The following ZNF227 variants were observed in gnomAD, a reference collection of about 807,000 sequenced individuals.
ZNF227 encodes zinc finger protein 227.
A neutral mutation model predicts 13.2 loss-of-function variants in ZNF227; 12 were observed. The observed-to-expected ratio is 0.91, with a 90% CI of 0.58 to 1.47. The LOEUF (loss-of-function observed/expected upper bound fraction) is 1.47, where lower values mean the gene tolerates loss of function less well. Ranked by LOEUF, ZNF227 falls within the 40% of genes most tolerant of loss-of-function variation. The pLI is 0.00. For synonymous variants in ZNF227, 338 were observed against 326.0 expected (o/e 1.04, Z -0.40); for missense variants, 885 against 967.5 (o/e 0.91, Z 1.13).
intron 5 of ZNF227, among the ~76,000 whole-genome samples, chr19:44,230,973 C>T (rs1009666414): frequency 5.1e-5 from 7 of 136,014 alleles, no homozygotes; most frequent in Admixed American, 4.6e-4. Flanking sequence ...GGCATGTTAG[C>T]ATACATCTGT....
upstream of ZNF227, among the ~76,000 whole-genome samples, chr19:44,210,350 C>T (rs1188884007): frequency 4.6e-5 from 7 of 152,232 alleles, no homozygotes; most frequent in Non-Finnish European, 4.4e-5. Context: ...GCAGAATTTC[C>T]AGTGTTTTAC....
intron 2 of ZNF227, among the ~76,000 whole-genome samples, chr19:44,215,614 A>T (rs1314993819): frequency 6.6e-6 from 1 of 152,026 alleles, no homozygotes; most frequent in African/African-American, 2.4e-5. Flanking sequence ...TAACTTTAAA[A>T]ATATTCTCTT....
chr19:44,227,569 T>G (rs991584021), intron 3 of ZNF227, among the ~76,000 whole-genome samples: 6 of 150,974 alleles, frequency 4.0e-5, no homozygotes, highest in Non-Finnish European at 8.8e-5. Context: ...TTTTAAAAAT[T>G]GAGACAGGGT....
chr19:44,235,187 G>C lies in ZNF227; in HGVS notation c.757G>C (p.Gly253Arg), dbSNP rs1974302899. ...LPLGEKPHPC[G>R]ECGRGFSYSP... Reference sequence around the variant, plus strand: ...CTTAGGAGAGAAACCCCATCCATGTGGTGAGTGTGGAAGGGGCTTCAGTTA... The same window carrying C: ...CTTAGGAGAGAAACCCCATCCATGTCGTGAGTGTGGAAGGGGCTTCAGTTA... Residue 253 changes from glycine (G) to arginine (R), a missense_variant, in exon 6 of 6, where the codon GGT (glycine) becomes CGT (arginine). Transcript: ENST00000313040. 1.2e-6 allele frequency: 2 copies of C among 1,614,088 alleles called. No individual in the cohort carries two copies. The highest frequency in any genetic ancestry group is 1.7e-6 in the Non-Finnish European group (2 of 1,180,018).
chr19:44,220,293 C>G (rs1972350203), intron 3 of ZNF227, among the ~76,000 whole-genome samples: 1 of 151,842 alleles, frequency 6.6e-6, no homozygotes, highest in Non-Finnish European at 1.5e-5. Context: ...GGGTATATAC[C>G]CAGTAATGGG....
intron 2 of ZNF227, among the ~76,000 whole-genome samples, chr19:44,214,905 G>A (rs1326252492): frequency 6.6e-6 from 1 of 151,932 alleles, no homozygotes; most frequent in Non-Finnish European, 1.5e-5. Flanking sequence ...GGAGGTGATT[G>A]GAGGGGTACC....
At position 44,234,909 on chromosome 19, in the gene ZNF227, G is replaced by T; in HGVS notation, c.479G>T (p.Ser160Ile). 6.2e-7 allele frequency: 1 copy of T among 1,613,134 alleles called. No homozygotes were observed. Among genetic ancestry groups the T allele is most frequent in the Non-Finnish European group, 8.5e-7 (1 of 1,179,796 alleles). ...AATATAATGAACCCTAAAGGAGATA[G>T]CTCTATTTATATTGAAAATCAAGAG... ...ENNIMNPKGD[S>I]SIYIENQEFP... The change falls in exon 6 of 6, where the codon AGC becomes ATC. Residue 160 changes from serine to isoleucine, a missense_variant. Physicochemically the swap from Ser to Ile is moderately radical, Grantham distance 142. Coordinates refer to ENST00000313040, the MANE Select transcript of ZNF227 (RefSeq NM_182490.3).
intron 5 of ZNF227, among the ~76,000 whole-genome samples, chr19:44,230,202 A>C (rs1973635871): frequency 3.3e-5 from 5 of 151,960 alleles, no homozygotes; most frequent in African/African-American, 1.2e-4. Flanking sequence ...TTTTGTAGAG[A>C]TGAGGTCTTG....
intron 3 of ZNF227, among the ~76,000 whole-genome samples, chr19:44,222,652 G>A (rs1362901457): frequency 1.1e-4 from 17 of 148,372 alleles, no homozygotes; most frequent in South Asian, 2.1e-4. Flanking sequence ...ATCAGCTTAA[G>A]GAGATTTTGG....
chr19:44,234,551 CA>C, intron 5 of ZNF227, 150 bp from the exon 6 acceptor site: 1 of 706,698 alleles, frequency 1.4e-6, no homozygotes, highest in Non-Finnish European at 2.3e-6. Context: ...AAAAACATGT[CA>C]AAAGAATACA....
intron 3 of ZNF227, among the ~76,000 whole-genome samples, chr19:44,224,852 C>A (rs539091301): frequency 6.6e-6 from 1 of 152,304 alleles, no homozygotes; most frequent in African/African-American, 2.4e-5. Flanking sequence ...GATGCAGTTT[C>A]TTCCTAGCCT....
Position 44,229,726 on chromosome 19 carries a change from T to G in ZNF227, c.188-7T>G, listed in dbSNP as rs757541032. On this transcript the variant is annotated splice_region_variant and splice_polypyrimidine_tract_variant and intron_variant, in intron 4 of 5. Transcript: ENST00000313040. ...TCTTAAATACATAAAAATCTACATTTTCATAGGGCATCTTCCCTTCCAACC... is the reference window on the plus strand; with the variant it reads ...TCTTAAATACATAAAAATCTACATTGTCATAGGGCATCTTCCCTTCCAACC... 1 of 1,557,958 alleles carries G rather than the reference T, an allele frequency of 6.4e-7. No individual in the cohort carries two copies. The highest frequency in any genetic ancestry group is 8.7e-7 in the Non-Finnish European group (1 of 1,147,044).
intron 2 of ZNF227, among the ~76,000 whole-genome samples, chr19:44,217,147 A>C (rs2122698245): frequency 6.6e-6 from 1 of 151,844 alleles, no homozygotes; most frequent in African/African-American, 2.4e-5. Context: ...TATTTTTGGT[A>C]GAGATGAGGT....
chr19:44,222,084 G>A (rs375448083), intron 3 of ZNF227, among the ~76,000 whole-genome samples: 20,858 of 151,618 alleles, frequency 0.14, 3,595 homozygotes, highest in African/African-American at 0.4. Flanking sequence ...GATCTGTGGC[G>A]TTATTTCTGA....
intron 2 of ZNF227, among the ~76,000 whole-genome samples, chr19:44,216,905 A>G (rs572550527): frequency 1.3e-5 from 2 of 151,832 alleles, no homozygotes; most frequent in Admixed American, 1.3e-4. Context: ...GGTGACTTTC[A>G]TAGGAGAGCA....
intron 2 of ZNF227, among the ~76,000 whole-genome samples, chr19:44,216,825 A>G (rs913032995): frequency 6.6e-6 from 1 of 152,210 alleles, no homozygotes; most frequent in Non-Finnish European, 1.5e-5. Flanking sequence ...TGTCAGTAAA[A>G]TATTACTAGC....
chr19:44,217,988 T>G, intron 3 of ZNF227, 136 bp downstream of exon 3: 1 of 968,894 alleles, frequency 1.0e-6, no homozygotes, highest in Non-Finnish European at 1.5e-6. Flanking sequence ...ATGTATGTGT[T>G]TTTTTGTTTT....
Position 44,236,662 on chromosome 19 carries a change from T to TAATA in ZNF227, c.2234_2235insTAAA (p.Lys745AsnfsTer4). 6.2e-7 allele frequency: 1 copy of TAATA among 1,611,560 alleles called. No individual in the cohort carries two copies. Among genetic ancestry groups the TAATA allele is most frequent in the Non-Finnish European group, 8.5e-7 (1 of 1,179,388 alleles). On this transcript the variant is annotated frameshift_variant, in exon 6 of 6. Transcript: ENST00000313040. LOFTEE classifies it low-confidence loss of function (END_TRUNC). ...GTGTTCACACCAGGGAAAAACTCTT[T>TAATA]AAATGTGAAGAGTGTGGTAAAGGCT...
chr19:44,226,499 C>T (rs957206092), intron 3 of ZNF227, among the ~76,000 whole-genome samples: 27 of 152,204 alleles, frequency 1.8e-4, no homozygotes, highest in Non-Finnish European at 1.9e-4. Context: ...CCCCCAGCCT[C>T]GCTGCCTCCT....
Sources: allele counts gnomAD v4.1 joint callset (sites outside exome capture counted in the v4.1 genomes callset), GRCh38; gene constraint gnomAD v4.1.1; transcripts MANE v1.5; gene names NCBI Gene and HGNC (gene_info 2026-07-23, HGNC 2026-07-21).